The following PDE4DIP variants were observed in gnomAD, a reference collection of about 807,000 sequenced individuals.
PDE4DIP encodes the protein phosphodiesterase 4D interacting protein, also known as myomegalin.
A neutral mutation model predicts 221.4 loss-of-function variants in PDE4DIP; 59 were observed. The ratio of observed to expected loss-of-function variants is 0.27; its 90% confidence interval spans 0.22 to 0.33. PDE4DIP has a LOEUF of 0.33. PDE4DIP is among the 10% of genes least tolerant of loss of function. The pLI is 1.00. For synonymous variants in PDE4DIP, 404 were observed against 815.9 expected, an observed-to-expected ratio of 0.50 and a Z score of 8.60; for missense variants, 1,036 against 2,154.2, an observed-to-expected ratio of 0.48 and a Z score of 10.28.
At position 149,012,758 on chromosome 1, in the gene PDE4DIP, C is replaced by T. The variant is rs781848605; in HGVS notation, c.5248C>T (p.Gln1750Ter). The change falls in exon 32 of 44, where the codon CAG becomes TAG. Residue 1750 changes from glutamine (Q) to a stop codon, truncating the protein, a stop_gained. Transcript: ENST00000369354. LOFTEE classifies it high-confidence loss of function. ...GGCTCAGCAGGAGCTACAGATGCTG[C>T]AGAAGCAGTTGGGAGAAAGTGAGCA... 1.2e-6 allele frequency: 2 copies of T among 1,607,830 alleles called. No individual in the cohort carries two copies. The highest frequency in any genetic ancestry group is 1.1e-5 in the South Asian group (1 of 90,262).
intron 21 of PDE4DIP, chr1:148,983,494 G>C (rs587615441): frequency 8.3e-4 from 127 of 152,566 alleles, no homozygotes; most frequent in African/African-American, 3.0e-3. Flanking sequence ...GGTCTAGATA[G>C]CTGGAATGAG....
intron 43 of PDE4DIP, among the ~76,000 whole-genome samples, 192 bp from the exon 47 acceptor site, chr1:149,031,752 G>A (rs2076789686): frequency 6.7e-6 from 1 of 148,648 alleles, no homozygotes; most frequent in Admixed American, 6.8e-5. Context: ...CAGGGAGGTG[G>A]GGAGGCTCCC....
At chr1:148,998,733 A>ATT (rs66777969) in intron 23 of PDE4DIP, among the ~76,000 whole-genome samples, 41 of 124,344 alleles carry the variant, frequency 3.3e-4, no homozygotes, top group African/African-American at 1.1e-3. Context: ...AGGAGGAGGA[A>ATT]TTTTTTTTTT....
intron 21 of PDE4DIP, among the ~76,000 whole-genome samples, chr1:148,987,752 C>T (rs1424928437): frequency 1.3e-5 from 2 of 151,914 alleles, no homozygotes; most frequent in African/African-American, 4.8e-5. Flanking sequence ...TTGACTCCAC[C>T]CAGTTTGGAC....
intron 1 of PDE4DIP, among the ~76,000 whole-genome samples, chr1:148,922,737 G>T (rs1553462632): frequency 1.3e-5 from 2 of 148,484 alleles, no homozygotes; most frequent in South Asian, 2.2e-4. Flanking sequence ...ACAGGTGCCC[G>T]CCACCACACC....
chr1:148,818,155 ACTTT>A (rs1668259967), intron 1 of PDE4DIP, among the ~76,000 whole-genome samples: 1 of 143,336 alleles, frequency 7.0e-6, no homozygotes, highest in African/African-American at 2.6e-5. Context: ...TCTTTGTTCT[ACTTT>A]CTTGAACATT....
chr1:148,813,878 C>CA (rs1667096003), intron 1 of PDE4DIP, among the ~76,000 whole-genome samples: 1 of 71,346 alleles, frequency 1.4e-5, no homozygotes, highest in African/African-American at 6.8e-5. Context: ...TTGTTCAAAT[C>CA]AATTGACCAC....
In PDE4DIP at chr1:148,978,168, C is replaced by G. The variant is rs2060521252; in HGVS notation, c.2437-110C>G. On this transcript the variant is annotated intron_variant, in intron 18 of 43. Transcript: ENST00000369354. Reference sequence around the variant, plus strand: ...TCCCTTGGCCAGTGATTATCCATATCCCACTTGAAAGTATAGGCAGAATAT... The same window carrying G: ...TCCCTTGGCCAGTGATTATCCATATGCCACTTGAAAGTATAGGCAGAATAT... The G allele has an allele frequency of 3.8e-6, 5 of 1,302,866 alleles. No homozygotes were observed. In the South Asian group the frequency reaches 6.5e-5, roughly 17 times the overall value. The allele number at this position is 1,302,866 out of a possible 1,614,324, so 80.7% of individuals were successfully genotyped here. A position where few individuals can be genotyped will look rare whatever the true frequency, so the allele number is the denominator to read the frequency against.
At chr1:148,865,233 C>A (rs1333833658) in intron 2 of PDE4DIP, among the ~76,000 whole-genome samples, 1 of 117,356 alleles carries the variant, frequency 8.5e-6, no homozygotes, top group African/African-American at 3.8e-5. Flanking sequence ...GGATTACATG[C>A]GCTTGCCACC....
At chr1:149,032,594 A>C (rs2076985621) in exon 44 of PDE4DIP, 1 of 242,452 alleles carries the variant, frequency 4.1e-6, no homozygotes, top group Non-Finnish European at 8.1e-6. Context: ...GAATGTGGTG[A>C]CTTCCCAGAT....
At chr1:148,949,613 C>T (rs587632519) in intron 5 of PDE4DIP, among the ~76,000 whole-genome samples, 2 of 152,106 alleles carry the variant, frequency 1.3e-5, no homozygotes, top group African/African-American at 4.8e-5. Flanking sequence ...AAACTCTTGA[C>T]CACAAGATAA....
intron 20 of PDE4DIP, 129 bp downstream of exon 23, chr1:148,979,978 G>A: frequency 8.1e-7 from 1 of 1,233,930 alleles, no homozygotes; most frequent in Non-Finnish European, 1.1e-6. Context: ...AAAAAAGAGG[G>A]ACAATTACCG....
rs368034602 is a variant in PDE4DIP, at chr1:148,979,724, C to T, written c.2575-13C>T. ...GCCATTTGCGTATTGCTTCCTCTCT[C>T]TTCTTTACTCAGTTGCTGCTGATGC... On this transcript the variant is annotated splice_polypyrimidine_tract_variant and intron_variant, in intron 19 of 43. Transcript: ENST00000369354. The T allele has an allele frequency of 3.1e-6, 5 of 1,611,150 alleles. No individual in the cohort carries two copies. The Admixed American group carries it at 6.7e-5, about 22-fold the overall frequency.
intron 5 of PDE4DIP, among the ~76,000 whole-genome samples, chr1:148,960,098 G>A (rs1346888849): frequency 1.3e-5 from 2 of 152,278 alleles, no homozygotes; most frequent in East Asian, 3.8e-4. Context: ...TTAAGGACAA[G>A]GACATCTCTT....
intron 23 of PDE4DIP, among the ~76,000 whole-genome samples, chr1:148,999,573 G>T (rs1322845631): frequency 6.6e-6 from 1 of 151,976 alleles, no homozygotes; most frequent in African/African-American, 2.4e-5. Flanking sequence ...TCTTGTGATT[G>T]TTCTAAGTGC....
chr1:149,009,642 C>T (rs1553602969), exon 30 of PDE4DIP: 2 of 1,614,166 alleles, frequency 1.2e-6, no homozygotes, highest in East Asian at 2.2e-5. Context: ...CGGTCCCTCA[C>T]ACCCTCCAGC....
exon 20 of PDE4DIP, chr1:148,979,790 C>G: frequency 6.2e-7 from 1 of 1,613,706 alleles, no homozygotes; most frequent in Non-Finnish European, 8.5e-7. Flanking sequence ...TCAATGAGGC[C>G]TTACAAGCAG....
intron 21 of PDE4DIP, chr1:148,983,719 C>G (rs1276945418): frequency 6.6e-6 from 1 of 152,356 alleles, no homozygotes; most frequent in Non-Finnish European, 1.5e-5. Context: ...ATTATTTTAC[C>G]TTTGACAGTC....
intron 4 of PDE4DIP, among the ~76,000 whole-genome samples, chr1:148,933,282 AT>A (rs1231361263): frequency 1.3e-5 from 2 of 152,148 alleles, no homozygotes; most frequent in African/African-American, 4.8e-5. Context: ...GGAAAGGAAT[AT>A]TTCAAGAACT....
Sources: allele counts gnomAD v4.1 joint callset (sites outside exome capture counted in the v4.1 genomes callset), GRCh38; gene constraint gnomAD v4.1.1; transcripts MANE v1.5; gene names NCBI Gene and HGNC (gene_info 2026-07-23, HGNC 2026-07-21).